SMIM10L3: variants seen among roughly 807,000 people sequenced by gnomAD.
SMIM10L3 encodes salivary gland specific protein SAGSIN1.
the SMIM10L3 span, among the ~76,000 whole-genome samples, chr7:6,336,259 G>C: frequency 1.3e-5 from 2 of 151,856 alleles, no homozygotes; most frequent in Non-Finnish European, 2.9e-5. Context: ...GGTAGGAGAG[G>C]ACTGCTTGAG....
chr7:6,334,429 G>C, the SMIM10L3 span, among the ~76,000 whole-genome samples: 1 of 151,674 alleles, frequency 6.6e-6, no homozygotes, highest in African/African-American at 2.4e-5. Flanking sequence ...CCTGCTACTC[G>C]GGAGGGTGAG....
chr7:6,331,304 C>A, the SMIM10L3 span: 2 of 701,794 alleles, frequency 2.8e-6, no homozygotes, highest in Non-Finnish European at 4.8e-6. Context: ...CTACACCCAC[C>A]AAATATTTCC....
the SMIM10L3 span, among the ~76,000 whole-genome samples, chr7:6,343,047 AAG>A: frequency 0.27 from 38,817 of 146,224 alleles, 5,078 homozygotes; most frequent in East Asian, 0.31. Flanking sequence ...AAAAAAAAAA[AAG>A]AAAAAAGAAA....
the SMIM10L3 span, among the ~76,000 whole-genome samples, chr7:6,336,933 C>G: frequency 6.6e-6 from 1 of 152,088 alleles, no homozygotes; most frequent in Admixed American, 6.6e-5. Context: ...GAATTACAGG[C>G]GTGAGCCACC....
the SMIM10L3 span, among the ~76,000 whole-genome samples, chr7:6,336,123 A>C: frequency 6.6e-6 from 1 of 151,356 alleles, no homozygotes; most frequent in Non-Finnish European, 1.5e-5. Context: ...CAGTAAGCCA[A>C]GATAGCACCA....
At chr7:6,341,144 A>C in the SMIM10L3 span, among the ~76,000 whole-genome samples, 2,436 of 74,902 alleles carry the variant, frequency 0.033, 60 homozygotes, top group African/African-American at 0.12. Context: ...ACTCTGTCCC[A>C]AAAAAAAAAA....
chr7:6,341,449 T>A, the SMIM10L3 span, among the ~76,000 whole-genome samples: 370 of 127,850 alleles, frequency 2.9e-3, 4 homozygotes, highest in African/African-American at 0.012. Flanking sequence ...CTCAAAAAAA[T>A]AATAATAATA....
At chr7:6,339,496 T>G in the SMIM10L3 span, among the ~76,000 whole-genome samples, 1 of 151,980 alleles carries the variant, frequency 6.6e-6, no homozygotes, top group East Asian at 1.9e-4. Flanking sequence ...TTTTGTTTTT[T>G]TTTTTGAGAC....
the SMIM10L3 span, chr7:6,330,188 T>A: frequency 3.2e-6 from 2 of 620,486 alleles, no homozygotes; most frequent in Non-Finnish European, 5.7e-6. Flanking sequence ...ATTTAACACA[T>A]GCCAAAAAAG....
the SMIM10L3 span, among the ~76,000 whole-genome samples, chr7:6,347,623 G>A: frequency 6.6e-6 from 1 of 152,040 alleles, no homozygotes; most frequent in Admixed American, 6.6e-5. Context: ...CCTCTGAGAC[G>A]TTTTGTGCTT....
chr7:6,343,944 G>A, the SMIM10L3 span, among the ~76,000 whole-genome samples: 1 of 152,082 alleles, frequency 6.6e-6, no homozygotes, highest in South Asian at 2.1e-4. Flanking sequence ...GGAGAGCAGT[G>A]GTGGGATCAT....
At chr7:6,344,526 G>A in the SMIM10L3 span, among the ~76,000 whole-genome samples, 2 of 151,738 alleles carry the variant, frequency 1.3e-5, no homozygotes, top group Non-Finnish European at 2.9e-5. Context: ...GGCCTCAAGT[G>A]ATCCACCTCA....
At chr7:6,348,241 G>GGGGT in the SMIM10L3 span, among the ~76,000 whole-genome samples, 1 of 150,482 alleles carries the variant, frequency 6.6e-6, no homozygotes, top group East Asian at 2.0e-4. Flanking sequence ...AAGGGGGGGG[G>GGGGT]TTGCAAAGTT....
chr7:6,336,562 T>C, the SMIM10L3 span, among the ~76,000 whole-genome samples: 63 of 150,652 alleles, frequency 4.2e-4, no homozygotes, highest in Non-Finnish European at 6.9e-4. Context: ...ATGCCTATAA[T>C]CCCAGCTATT....
the SMIM10L3 span, among the ~76,000 whole-genome samples, chr7:6,336,314 C>T: frequency 1.3e-5 from 2 of 152,016 alleles, no homozygotes; most frequent in South Asian, 4.1e-4. Flanking sequence ...CACCACTATA[C>T]TCCAGCCTGC....
chr7:6,347,430 C>A, the SMIM10L3 span, among the ~76,000 whole-genome samples: 1 of 151,808 alleles, frequency 6.6e-6, no homozygotes, highest in African/African-American at 2.4e-5. Context: ...TCAGGAGAAT[C>A]GCTTGAACTC....
At chr7:6,331,650 G>A in the SMIM10L3 span, among the ~76,000 whole-genome samples, 11 of 151,940 alleles carry the variant, frequency 7.2e-5, no homozygotes, top group African/African-American at 2.4e-4. Context: ...AAAGTACTGG[G>A]ATTACAGGCG....
chr7:6,345,580 C>A, the SMIM10L3 span, among the ~76,000 whole-genome samples: 1 of 151,990 alleles, frequency 6.6e-6, no homozygotes, highest in East Asian at 1.9e-4. Context: ...AAAGAGCATA[C>A]CAATTTTCAC....
At chr7:6,330,960 C>G in the SMIM10L3 span, 1 of 1,614,254 alleles carries the variant, frequency 6.2e-7, no homozygotes, top group Admixed American at 1.7e-5. Flanking sequence ...GATCCTTTCT[C>G]ATTTCCAGTG....
Sources: allele counts gnomAD v4.1 joint callset (sites outside exome capture counted in the v4.1 genomes callset), GRCh38; gene constraint gnomAD v4.1.1; transcripts MANE v1.5; gene names NCBI Gene and HGNC (gene_info 2026-07-23, HGNC 2026-07-21).